Variants in AKR1C8 observed in about 807,000 individuals in gnomAD.
The protein encoded by AKR1C8 is aldo-keto reductase family 1 member C8.
chr10:5,162,897 C>T, the AKR1C8 span: 81 of 534,632 alleles, frequency 1.5e-4, no homozygotes, highest in Non-Finnish European at 2.7e-4. Flanking sequence ...GTACCATCAG[C>T]GATCTTCTCC....
the AKR1C8 span, chr10:5,122,166 A>C: frequency 2.6e-6 from 1 of 391,174 alleles, no homozygotes; most frequent in East Asian, 1.0e-4. Flanking sequence ...AAAGTCAAAA[A>C]CCTGAAAGGC....
the AKR1C8 span, among the ~76,000 whole-genome samples, chr10:5,126,155 G>C: frequency 6.2e-4 from 94 of 152,220 alleles, no homozygotes; most frequent in Middle Eastern, 3.4e-3. Context: ...CTTGGAGAAG[G>C]GGTCTTCTTT....
chr10:5,135,938 A>T, the AKR1C8 span, among the ~76,000 whole-genome samples: 1 of 152,152 alleles, frequency 6.6e-6, no homozygotes, highest in African/African-American at 2.4e-5. Flanking sequence ...ATGATGTTGT[A>T]ATCCTGACAA....
the AKR1C8 span, among the ~76,000 whole-genome samples, chr10:5,144,855 G>C: frequency 2.0e-5 from 3 of 152,060 alleles, no homozygotes; most frequent in Non-Finnish European, 2.9e-5. Context: ...AATTGACTAC[G>C]CTTTATTTCT....
chr10:5,136,407 G>C, the AKR1C8 span, among the ~76,000 whole-genome samples: 1 of 152,070 alleles, frequency 6.6e-6, no homozygotes, highest in South Asian at 2.1e-4. Flanking sequence ...AATTAGCCAC[G>C]TGTGGTGGCA....
the AKR1C8 span, among the ~76,000 whole-genome samples, chr10:5,178,713 T>A: frequency 1.3e-5 from 2 of 152,204 alleles, no homozygotes; most frequent in African/African-American, 4.8e-5. Context: ...CTTGTTGAAT[T>A]GATCCCTTTA....
chr10:5,173,921 C>G, the AKR1C8 span, among the ~76,000 whole-genome samples: 1 of 152,056 alleles, frequency 6.6e-6, no homozygotes, highest in Non-Finnish European at 1.5e-5. Context: ...ACCCTTAATA[C>G]CTGCATAAAA....
At chr10:5,181,826 C>A in the AKR1C8 span, among the ~76,000 whole-genome samples, 1 of 152,122 alleles carries the variant, frequency 6.6e-6, no homozygotes, top group African/African-American at 2.4e-5. Flanking sequence ...CATTCACAGG[C>A]AATTGTTACC....
At chr10:5,162,172 TAAGAAAACTGTG>T in the AKR1C8 span, among the ~76,000 whole-genome samples, 5 of 152,140 alleles carry the variant, frequency 3.3e-5, no homozygotes, top group African/African-American at 4.8e-5. Context: ...GACTGCAATG[TAAGAAAACTGTG>T]AAGAAAACTG....
At chr10:5,161,618 G>A in the AKR1C8 span, 6 of 509,738 alleles carry the variant, frequency 1.2e-5, no homozygotes, top group South Asian at 5.9e-5. Flanking sequence ...TAGAGGAAGT[G>A]AGATCATTGA....
chr10:5,180,666 T>C, the AKR1C8 span, among the ~76,000 whole-genome samples: 1 of 152,228 alleles, frequency 6.6e-6, no homozygotes, highest in Non-Finnish European at 1.5e-5. Context: ...GCTGCTTTGT[T>C]TACCTAAGCA....
At chr10:5,160,238 T>G in the AKR1C8 span, among the ~76,000 whole-genome samples, 1 of 152,192 alleles carries the variant, frequency 6.6e-6, no homozygotes, top group Non-Finnish European at 1.5e-5. Context: ...ACATATTTGT[T>G]GTCTCCCACT....
chr10:5,159,685 T>C, the AKR1C8 span, among the ~76,000 whole-genome samples: 1 of 152,156 alleles, frequency 6.6e-6, no homozygotes, highest in African/African-American at 2.4e-5. Flanking sequence ...GGCTGTCTCA[T>C]AGAAACTTTC....
the AKR1C8 span, among the ~76,000 whole-genome samples, chr10:5,173,931 A>G: frequency 6.6e-6 from 1 of 152,096 alleles, no homozygotes; most frequent in African/African-American, 2.4e-5. Context: ...CCTGCATAAA[A>G]GGCCCTAAGA....
At chr10:5,179,204 G>C in the AKR1C8 span, among the ~76,000 whole-genome samples, 1 of 152,096 alleles carries the variant, frequency 6.6e-6, no homozygotes, top group Non-Finnish European at 1.5e-5. Flanking sequence ...GCATTTGCTT[G>C]TCTGTAAAGT....
At chr10:5,116,201 T>C in the AKR1C8 span, among the ~76,000 whole-genome samples, 1 of 152,160 alleles carries the variant, frequency 6.6e-6, no homozygotes, top group South Asian at 2.1e-4. Flanking sequence ...ATAGCCCGGG[T>C]CAATCACCCC....
chr10:5,175,488 C>A, the AKR1C8 span, among the ~76,000 whole-genome samples: 1 of 152,064 alleles, frequency 6.6e-6, no homozygotes, highest in Admixed American at 6.6e-5. Flanking sequence ...TGGGTATATA[C>A]CCAGTAATGG....
chr10:5,153,499 A>G, the AKR1C8 span, among the ~76,000 whole-genome samples: 3 of 152,198 alleles, frequency 2.0e-5, no homozygotes, highest in African/African-American at 7.2e-5. Flanking sequence ...TCACACTGCT[A>G]TAAAGGAATA....
At chr10:5,118,012 C>G in the AKR1C8 span, among the ~76,000 whole-genome samples, 1 of 152,078 alleles carries the variant, frequency 6.6e-6, no homozygotes, top group Non-Finnish European at 1.5e-5. Context: ...TCTTCTTACA[C>G]GCAAAATGTA....
Sources: allele counts gnomAD v4.1 joint callset (sites outside exome capture counted in the v4.1 genomes callset), GRCh38; gene constraint gnomAD v4.1.1; transcripts MANE v1.5; gene names NCBI Gene and HGNC (gene_info 2026-07-23, HGNC 2026-07-21).